The following GLI2 variants were observed in gnomAD, a reference collection of about 807,000 sequenced individuals.
The protein encoded by GLI2 is GLI family zinc finger 2.
In GLI2, 22 loss-of-function variants were observed where a neutral mutation model predicts 78.9. The observed-to-expected ratio is 0.28, with a 90% CI of 0.20 to 0.40. The LOEUF (loss-of-function observed/expected upper bound fraction) is 0.40. Ranked by LOEUF, GLI2 falls within the 10% of genes least tolerant of loss-of-function variation. The probability of loss-of-function intolerance (pLI) is 1.00; values close to 1 mark genes in which losing one functional copy is unlikely to be tolerated. For synonymous variants in GLI2, 974 were observed against 963.7 expected, an observed-to-expected ratio of 1.01 and a Z score of -0.20; for missense variants, 2,097 against 2,213.2, an observed-to-expected ratio of 0.95 and a Z score of 1.05.
At chr2:120,897,005 A>C (rs1028207936) in intron 2 of GLI2, among the ~76,000 whole-genome samples, 1 of 152,196 alleles carries the variant, frequency 6.6e-6, no homozygotes, top group Non-Finnish European at 1.5e-5. Flanking sequence ...CAGGGGAGGA[A>C]CGTGTCCACC....
At chr2:120,835,974 G>C (rs1271757221) in intron 2 of GLI2, among the ~76,000 whole-genome samples, 2 of 152,286 alleles carry the variant, frequency 1.3e-5, no homozygotes, top group East Asian at 3.9e-4. Flanking sequence ...ACATTAGGGA[G>C]TGTGCATTGT....
chr2:120,988,995 G>A lies in GLI2; in HGVS notation c.3030G>A (p.Arg1010=), dbSNP rs768349178. The A allele has an allele frequency of 1.9e-6, 3 of 1,588,828 alleles. No individual in the cohort carries two copies. Among genetic ancestry groups the A allele is most frequent in the South Asian group, 1.1e-5 (1 of 89,682 alleles). ...GGLARGAYSP[R]PPSISENVAM... ...TGGCCCGCGGCGCCTACTCGCCCCG[G>A]CCGCCTAGCATCAGCGAGAACGTGG... Residue 1010 remains arginine, a synonymous_variant, in exon 14 of 14, where the codon CGG becomes CGA. Transcript: ENST00000361492.
intron 4 of GLI2, among the ~76,000 whole-genome samples, chr2:120,953,302 G>GTGAAGTCAGAGGCACA (rs1273907040): frequency 6.6e-6 from 1 of 152,160 alleles, no homozygotes; most frequent in African/African-American, 2.4e-5. Flanking sequence ...AGGCACAGAT[G>GTGAAGTCAGAGGCACA]GGAGTAATAT....
At chr2:120,783,665 G>A (rs1683911824) in intron 1 of GLI2, among the ~76,000 whole-genome samples, 1 of 152,220 alleles carries the variant, frequency 6.6e-6, no homozygotes, top group Non-Finnish European at 1.5e-5. Flanking sequence ...TCAGTAGGGT[G>A]TGTCCTTAGC....
intron 2 of GLI2, among the ~76,000 whole-genome samples, chr2:120,884,401 C>T (rs1432009931): frequency 6.6e-6 from 1 of 152,062 alleles, no homozygotes; most frequent in Non-Finnish European, 1.5e-5. Flanking sequence ...TAGGAGACAC[C>T]AAAAAATGAG....
intron 3 of GLI2, among the ~76,000 whole-genome samples, chr2:120,943,771 G>A (rs149735312): frequency 3.9e-5 from 6 of 152,348 alleles, no homozygotes; most frequent in East Asian, 3.9e-4. Context: ...TCCAACCCCC[G>A]AGTGGGACAG....
intron 5 of GLI2, among the ~76,000 whole-genome samples, chr2:120,957,415 G>A (rs1186791669): frequency 6.6e-6 from 1 of 152,254 alleles, no homozygotes; most frequent in Non-Finnish European, 1.5e-5. Context: ...ACAAGCCACA[G>A]TGAGGTGTCA....
At chr2:120,962,406 C>A (rs888975066) in intron 5 of GLI2, among the ~76,000 whole-genome samples, 9 of 152,310 alleles carry the variant, frequency 5.9e-5, no homozygotes, top group African/African-American at 2.2e-4. Context: ...CAGAGGCTTC[C>A]CTGCCCAGAG....
chr2:120,778,191 G>T (rs556563173), intron 1 of GLI2, among the ~76,000 whole-genome samples: 2 of 152,180 alleles, frequency 1.3e-5, no homozygotes, highest in African/African-American at 4.8e-5. Flanking sequence ...GGCCAAGAAA[G>T]TGGGGTCTGA....
chr2:120,839,572 A>AT (rs970226612), intron 2 of GLI2, among the ~76,000 whole-genome samples: 5 of 151,272 alleles, frequency 3.3e-5, no homozygotes, highest in African/African-American at 1.2e-4. Flanking sequence ...TTTTTTATTT[A>AT]TTTTTTTGAG....
chr2:120,877,351 C>T (rs560126323), intron 2 of GLI2, among the ~76,000 whole-genome samples: 6 of 152,292 alleles, frequency 3.9e-5, no homozygotes, highest in East Asian at 3.9e-4. Context: ...AAAATGGCCA[C>T]GCATCCTTCA....
At chr2:120,876,872 C>T (rs141562054) in intron 2 of GLI2, among the ~76,000 whole-genome samples, 2 of 152,354 alleles carry the variant, frequency 1.3e-5, no homozygotes, top group Non-Finnish European at 2.9e-5. Context: ...CCTGTTTGCA[C>T]GGCCCTTTCC....
At chr2:120,858,412 G>A (rs1558837947) in intron 2 of GLI2, among the ~76,000 whole-genome samples, 1 of 152,216 alleles carries the variant, frequency 6.6e-6, no homozygotes, top group South Asian at 2.1e-4. Flanking sequence ...ACTTTGTTGA[G>A]TTAAAATGGG....
At chr2:120,789,649 A>G (rs1172558957) in intron 1 of GLI2, among the ~76,000 whole-genome samples, 1 of 152,220 alleles carries the variant, frequency 6.6e-6, no homozygotes, top group Non-Finnish European at 1.5e-5. Context: ...CCTGCCTCAC[A>G]ACTCTTTACA....
intron 2 of GLI2, among the ~76,000 whole-genome samples, chr2:120,855,306 C>T (rs1392945419): frequency 3.3e-5 from 5 of 152,290 alleles, no homozygotes; most frequent in African/African-American, 9.6e-5. Flanking sequence ...TGGTTGTTCT[C>T]GTGCTTGGAG....
intron 2 of GLI2, among the ~76,000 whole-genome samples, chr2:120,873,964 C>T (rs1407878642): frequency 2.0e-5 from 3 of 152,186 alleles, no homozygotes; most frequent in Non-Finnish European, 4.4e-5. Flanking sequence ...ATCCCCATGT[C>T]GGGAACCTGC....
intron 7 of GLI2, among the ~76,000 whole-genome samples, chr2:120,971,611 G>A (rs765279189): frequency 1.3e-5 from 2 of 152,250 alleles, no homozygotes; most frequent in African/African-American, 2.4e-5. Flanking sequence ...AGTGTCCCCT[G>A]CTCTGGAGGG....
rs149751636 is a variant in GLI2, at chr2:120,982,538, T to C, written c.1468-178T>C. On this transcript the variant is annotated intron_variant, in intron 10 of 13. Coordinates refer to ENST00000361492, the MANE Select transcript of GLI2 (RefSeq NM_001374353.1). ...GACCGGTGGTTTTCATTTTTCTCTTTGTACCTTTCAGCCCTTTCCATGTTT... is the reference window on the plus strand; with the variant it reads ...GACCGGTGGTTTTCATTTTTCTCTTCGTACCTTTCAGCCCTTTCCATGTTT... Among the ~76,000 whole-genome samples the C allele has an allele frequency of 6.3e-4, 96 of 152,296 alleles. 2 individuals are homozygous for C. In the South Asian group the frequency reaches 0.016, roughly 25 times the overall value.
chr2:120,947,476 C>T (rs1229033398), intron 3 of GLI2, among the ~76,000 whole-genome samples: 4 of 152,170 alleles, frequency 2.6e-5, no homozygotes, highest in African/African-American at 7.2e-5. Context: ...TCTCACTGGC[C>T]CTGTGCAAAA....
Sources: allele counts gnomAD v4.1 joint callset (sites outside exome capture counted in the v4.1 genomes callset), GRCh38; gene constraint gnomAD v4.1.1; transcripts MANE v1.5; gene names NCBI Gene and HGNC (gene_info 2026-07-23, HGNC 2026-07-21).